The following SINHCAF variants were observed in gnomAD, a reference collection of about 807,000 sequenced individuals.
The protein encoded by SINHCAF is SIN3-HDAC complex associated factor.
In SINHCAF, 3 loss-of-function variants were observed where a neutral mutation model predicts 25.8. The observed-to-expected ratio is 0.12, with a 90% CI of 0.05 to 0.30. The LOEUF (loss-of-function observed/expected upper bound fraction) is 0.30, where lower values mean the gene tolerates loss of function less well. Among genes scored for constraint, SINHCAF ranks in the 10% least tolerant of loss-of-function variants. The probability of loss-of-function intolerance (pLI) is 1.00; values close to 1 mark genes in which losing one functional copy is unlikely to be tolerated. For missense variants in SINHCAF, 121 were observed against 262.3 expected, an observed-to-expected ratio of 0.46 and a Z score of 3.72; for synonymous variants, 70 against 85.5, an observed-to-expected ratio of 0.82 and a Z score of 1.00.
At chr12:31,312,648 T>C (rs937002074) in intron 1 of SINHCAF, among the ~76,000 whole-genome samples, 3 of 152,244 alleles carry the variant, frequency 2.0e-5, no homozygotes, top group African/African-American at 7.2e-5. Flanking sequence ...TCTTCAGTCA[T>C]GTGCTTATCT....
intron 1 of SINHCAF, among the ~76,000 whole-genome samples, chr12:31,314,398 C>T (rs1438512308): frequency 1.3e-5 from 2 of 151,924 alleles, no homozygotes; most frequent in African/African-American, 2.4e-5. Context: ...TGGTGGCGGG[C>T]GCCTGTAATC....
chr12:31,310,224 G>A (rs1400561486), intron 1 of SINHCAF, among the ~76,000 whole-genome samples: 1 of 152,130 alleles, frequency 6.6e-6, no homozygotes, highest in Non-Finnish European at 1.5e-5. Flanking sequence ...CTTAAAGCAA[G>A]GGATGGGTTT....
At chr12:31,286,586 C>T (rs1938080258) in intron 5 of SINHCAF, among the ~76,000 whole-genome samples, 1 of 151,468 alleles carries the variant, frequency 6.6e-6, no homozygotes, top group East Asian at 1.9e-4. Flanking sequence ...ATCACTGAAC[C>T]CGGGAGGCAG....
chr12:31,292,307 T>C (rs1325409540), intron 4 of SINHCAF, among the ~76,000 whole-genome samples: 4 of 152,016 alleles, frequency 2.6e-5, no homozygotes, highest in Non-Finnish European at 5.9e-5. Context: ...GAGACCAGCG[T>C]GGGCAACATG....
intron 1 of SINHCAF, among the ~76,000 whole-genome samples, chr12:31,302,266 G>A (rs1295559141): frequency 6.6e-6 from 1 of 151,434 alleles, no homozygotes; most frequent in East Asian, 1.9e-4. Context: ...TTAAATAGTG[G>A]TATGGTTGCA....
intron 1 of SINHCAF, among the ~76,000 whole-genome samples, chr12:31,301,514 T>G (rs1938794227): frequency 6.6e-6 from 1 of 152,182 alleles, no homozygotes; most frequent in African/African-American, 2.4e-5. Context: ...ACAAGGAGCA[T>G]GTGAACCTTT....
intron 1 of SINHCAF, among the ~76,000 whole-genome samples, chr12:31,305,875 T>C (rs1939005816): frequency 6.6e-6 from 1 of 152,082 alleles, no homozygotes; most frequent in Non-Finnish European, 1.5e-5. Flanking sequence ...AATTTTTGTA[T>C]TGTTAGTGGA....
intron 2 of SINHCAF, 31 bp downstream of exon 2, chr12:31,298,046 T>C (rs753044266): frequency 1.2e-6 from 2 of 1,607,682 alleles, no homozygotes; most frequent in African/African-American, 2.7e-5. Flanking sequence ...TTTTTCACTC[T>C]AAGAATAGTA....
At chr12:31,323,005 G>A (rs1269501225) in intron 1 of SINHCAF, among the ~76,000 whole-genome samples, 1 of 152,122 alleles carries the variant, frequency 6.6e-6, no homozygotes, top group African/African-American at 2.4e-5. Context: ...CACAGTTCAC[G>A]GGATCTGGGA....
chr12:31,308,784 T>A (rs1208523806), intron 1 of SINHCAF, among the ~76,000 whole-genome samples: 1 of 152,050 alleles, frequency 6.6e-6, no homozygotes, highest in African/African-American at 2.4e-5. Flanking sequence ...ACTGACTACC[T>A]AGATGTATAG....
intron 4 of SINHCAF, among the ~76,000 whole-genome samples, chr12:31,292,478 G>A (rs1035460262): frequency 2.0e-5 from 3 of 151,248 alleles, no homozygotes; most frequent in Non-Finnish European, 4.4e-5. Context: ...CAGCCTGGGT[G>A]ACAGAGCGAG....
chr12:31,314,535 A>AG (rs1939423723), intron 1 of SINHCAF, among the ~76,000 whole-genome samples: 1 of 152,092 alleles, frequency 6.6e-6, no homozygotes. Context: ...CAAAAAAAAA[A>AG]GAAAGATGAA....
Position 31,282,672 on chromosome 12 carries a change from A to G in SINHCAF, c.*40T>C, listed in dbSNP as rs200737722. 103 of 1,471,030 alleles carry G rather than the reference A, an allele frequency of 7.0e-5. 1 individual carries two copies. The East Asian group carries it at 1.6e-3, about 23-fold the overall frequency. The allele number at this position is 1,471,030 out of a possible 1,614,324, so 91.1% of individuals were successfully genotyped here. A position where few individuals can be genotyped will look rare whatever the true frequency, so the allele number is the denominator to read the frequency against. On this transcript the variant is annotated 3_prime_UTR_variant, in exon 6 of 6. Transcript: ENST00000337682. The stretch of plus-strand genomic sequence containing the variant: ...AGCTTTGTGGTTTTTCAAAATTCAG[A>G]TATTTTTTTTTTTGTTCCCCTTCTA...
At chr12:31,309,120 T>A (rs1939152064) in intron 1 of SINHCAF, among the ~76,000 whole-genome samples, 1 of 131,212 alleles carries the variant, frequency 7.6e-6, no homozygotes, top group Non-Finnish European at 1.6e-5. Context: ...AGAGTGAGAT[T>A]CTGTCTCAAA....
chr12:31,294,714 C>T (rs1014111385), intron 3 of SINHCAF, among the ~76,000 whole-genome samples: 2 of 152,180 alleles, frequency 1.3e-5, no homozygotes, highest in Non-Finnish European at 2.9e-5. Flanking sequence ...CTAGTGTGAA[C>T]GATAACTGTG....
intron 1 of SINHCAF, chr12:31,311,684 A>G: frequency 2.1e-6 from 1 of 473,044 alleles, no homozygotes; most frequent in East Asian, 4.8e-5. Context: ...ATATTTTTGA[A>G]GTATGCAAGC....
In SINHCAF at chr12:31,299,009, G is replaced by A. The variant is rs552859550; in HGVS notation, c.-20-785C>T. Among the ~76,000 whole-genome samples the A allele has an allele frequency of 5.3e-5, 8 of 151,422 alleles. No homozygotes were observed. In the East Asian group the frequency reaches 1.4e-3, roughly 27 times the overall value. ...AGTGGGAGGCAAATGTCCCAGAGAC[G>A]TAGAGTGAAATAAATTGCAGTCCTC... is the stretch of plus-strand genomic sequence containing the variant. On this transcript the variant is annotated intron_variant, in intron 1 of 5. Coordinates refer to ENST00000337682, the MANE Select transcript of SINHCAF (RefSeq NM_001135812.2).
intron 2 of SINHCAF, among the ~76,000 whole-genome samples, chr12:31,295,867 C>T (rs1440665690): frequency 6.8e-6 from 1 of 146,472 alleles, no homozygotes; most frequent in Non-Finnish European, 1.5e-5. Context: ...AGCGAGACTC[C>T]ATCTCAAAAA....
At chr12:31,311,997 T>C in intron 1 of SINHCAF, 1 of 709,310 alleles carries the variant, frequency 1.4e-6, no homozygotes, top group Non-Finnish European at 2.4e-6. Flanking sequence ...CAGCTAGCTG[T>C]TTGACAAAGC....
Sources: gnomAD v4.1 joint callset for allele counts (sites outside exome capture counted in the v4.1 genomes callset) on GRCh38, gnomAD v4.1.1 for gene constraint, MANE v1.5 for transcripts, NCBI Gene and HGNC (gene_info 2026-07-23, HGNC 2026-07-21) for gene names.